The following STX8 variants were observed in gnomAD, a reference collection of about 807,000 sequenced individuals.
STX8 encodes syntaxin 8.
In STX8, 23 loss-of-function variants were observed where a neutral mutation model predicts 37.5. The observed-to-expected ratio is 0.61, with a 90% CI of 0.44 to 0.87. The LOEUF (loss-of-function observed/expected upper bound fraction) is 0.87. STX8 is among the 40% of genes least tolerant of loss of function. The pLI, the probability that STX8 is intolerant of heterozygous loss-of-function variation, is 0.00. For missense variants in STX8, 313 were observed against 284.7 expected (o/e 1.10, Z -0.71); for synonymous variants, 115 against 99.1 (o/e 1.16, Z -0.95).
At position 9,327,337 on chromosome 17, in the gene STX8, A is replaced by AAGGAGG. The variant is rs558322003; in HGVS notation, c.643+51209_643+51214dup. Among the ~76,000 whole-genome samples the AAGGAGG allele has an allele frequency of 3.1e-4, 45 of 147,466 alleles. No individual in the cohort carries two copies. In the South Asian group the frequency reaches 7.8e-3, roughly 25 times the overall value. ...GAAGGAAGAAGGAGAAGAGAAGGAGAAGGAGGAGGAGGAGAAGGAGAGGGA... is the reference window on the plus strand; with the variant it reads ...GAAGGAAGAAGGAGAAGAGAAGGAGAAGGAGGAGGAGGAGGAGGAGAAGGAGAGGGA... On this transcript the variant is annotated intron_variant, in intron 7 of 7. Coordinates refer to ENST00000306357, the MANE Select transcript of STX8 (RefSeq NM_004853.3).
rs111779896 is a variant in STX8, at chr17:9,433,460, G to A, written c.542-54807C>T. Among the ~76,000 whole-genome samples, 73 of 152,292 alleles carry A rather than the reference G, an allele frequency of 4.8e-4. 1 individual carries two copies. The highest frequency in any genetic ancestry group is 9.1e-4 in the African/African-American group (38 of 41,564). The stretch of plus-strand genomic sequence containing the variant: ...CTCTTCGGCCCACAATATCACTCAT[G>A]AAAAGCATCCATTCATTCTTTCATT... On this transcript the variant is annotated intron_variant, in intron 6 of 7. Coordinates refer to ENST00000306357, the MANE Select transcript of STX8 (RefSeq NM_004853.3).
intron 7 of STX8, among the ~76,000 whole-genome samples, chr17:9,330,643 G>A (rs1168414972): frequency 2.0e-5 from 3 of 152,206 alleles, no homozygotes; most frequent in Admixed American, 6.5e-5. Context: ...TGTTTGGGAC[G>A]TGGGTTCACG....
intron 2 of STX8, among the ~76,000 whole-genome samples, chr17:9,562,363 G>A (rs981435183): frequency 8.6e-5 from 13 of 150,948 alleles, no homozygotes; most frequent in African/African-American, 2.7e-4. Context: ...CCGAGATCGC[G>A]CCACCGCACT....
chr17:9,266,335 G>A (rs1394355175), intron 7 of STX8, among the ~76,000 whole-genome samples: 2 of 152,212 alleles, frequency 1.3e-5, no homozygotes, highest in African/African-American at 2.4e-5. Context: ...TTTCTGAAGT[G>A]AGAAGCAGTG....
At chr17:9,448,220 T>C (rs1220488716) in intron 6 of STX8, among the ~76,000 whole-genome samples, 1 of 151,412 alleles carries the variant, frequency 6.6e-6, no homozygotes, top group Non-Finnish European at 1.5e-5. Context: ...GGATTGCATA[T>C]TTATGAATTT....
intron 6 of STX8, among the ~76,000 whole-genome samples, chr17:9,385,357 C>T (rs563915519): frequency 6.6e-6 from 1 of 152,108 alleles, no homozygotes; most frequent in South Asian, 2.1e-4. Flanking sequence ...TCCAAAGATA[C>T]TATTACAAAA....
At chr17:9,288,183 G>GCAA (rs1908160016) in intron 7 of STX8, among the ~76,000 whole-genome samples, 1 of 84,902 alleles carries the variant, frequency 1.2e-5, no homozygotes, top group Non-Finnish European at 2.3e-5. Context: ...CCTTCCCCCT[G>GCAA]AAAAAAAAAA....
At chr17:9,530,501 G>A (rs939638139) in intron 4 of STX8, among the ~76,000 whole-genome samples, 4 of 152,174 alleles carry the variant, frequency 2.6e-5, no homozygotes, top group Non-Finnish European at 4.4e-5. Context: ...TGACATGTCT[G>A]TCATTTTAAT....
In STX8 at chr17:9,327,218, GAGGAAGA is replaced by G. The variant is rs1356551237; in HGVS notation, c.643+51327_643+51333del. 2.0e-5 allele frequency among the ~76,000 whole-genome samples: 3 copies of G among 150,216 alleles called. No individual in the cohort carries two copies. The South Asian group carries it at 6.3e-4, about 32-fold the overall frequency. On this transcript the variant is annotated intron_variant, in intron 7 of 7. Transcript: ENST00000306357. ...GGAAGAAGGAAGAAGGAGGAAGAAG[GAGGAAGA>G]AGGAGGAAGGAGGACAGAGGAGGAA...
chr17:9,260,931 G>C (rs968592102), intron 7 of STX8, among the ~76,000 whole-genome samples: 4 of 152,216 alleles, frequency 2.6e-5, no homozygotes, highest in African/African-American at 9.6e-5. Flanking sequence ...GCAACTGTCG[G>C]AAAAGAGAAC....
chr17:9,462,815 T>C (rs1905453726), intron 6 of STX8, among the ~76,000 whole-genome samples: 1 of 152,188 alleles, frequency 6.6e-6, no homozygotes, highest in African/African-American at 2.4e-5. Flanking sequence ...AAAGTGAAAC[T>C]GTACAGGGAA....
intron 6 of STX8, among the ~76,000 whole-genome samples, chr17:9,437,580 C>T (rs1174917400): frequency 6.6e-6 from 1 of 152,206 alleles, no homozygotes; most frequent in Non-Finnish European, 1.5e-5. Context: ...TACACATTTA[C>T]TCTTTATGAG....
At chr17:9,516,609 A>C (rs116103047) in intron 4 of STX8, among the ~76,000 whole-genome samples, 1,777 of 152,106 alleles carry the variant, frequency 0.012, 33 homozygotes, top group African/African-American at 0.04. Flanking sequence ...TCATGAGATC[A>C]TAGGTATCCC....
At chr17:9,343,603 T>C (rs911144028) in intron 7 of STX8, among the ~76,000 whole-genome samples, 4 of 152,158 alleles carry the variant, frequency 2.6e-5, no homozygotes, top group African/African-American at 9.7e-5. Flanking sequence ...ATATAAATCC[T>C]GCCATCAGAT....
chr17:9,317,572 T>C (rs973750200), intron 7 of STX8, among the ~76,000 whole-genome samples: 4 of 152,104 alleles, frequency 2.6e-5, no homozygotes, highest in African/African-American at 9.7e-5. Context: ...GAGACCATCC[T>C]GGCTAACACA....
chr17:9,299,419 C>T (rs528675014), intron 7 of STX8, among the ~76,000 whole-genome samples: 5 of 148,408 alleles, frequency 3.4e-5, no homozygotes, highest in South Asian at 4.3e-4. Context: ...GGATTGCCTG[C>T]GTCCGTCTTC....
At chr17:9,399,693 C>T (rs1387831541) in intron 6 of STX8, among the ~76,000 whole-genome samples, 1 of 151,730 alleles carries the variant, frequency 6.6e-6, no homozygotes, top group African/African-American at 2.4e-5. Flanking sequence ...TGGCAAAACC[C>T]CATCTCTACT....
chr17:9,382,548 A>G (rs1911859897), intron 6 of STX8, among the ~76,000 whole-genome samples: 1 of 152,220 alleles, frequency 6.6e-6, no homozygotes, highest in Admixed American at 6.5e-5. Context: ...CGTCATTTAC[A>G]TTAGGTATTT....
chr17:9,421,788 A>C (rs1043657538), intron 6 of STX8, among the ~76,000 whole-genome samples: 2 of 152,116 alleles, frequency 1.3e-5, no homozygotes, highest in East Asian at 3.9e-4. Flanking sequence ...GTCCTCACCC[A>C]AATCTCATGT....
Sources: allele counts gnomAD v4.1 joint callset (sites outside exome capture counted in the v4.1 genomes callset), GRCh38; gene constraint gnomAD v4.1.1; transcripts MANE v1.5; gene names NCBI Gene and HGNC (gene_info 2026-07-23, HGNC 2026-07-21).